Variants in MDH1B observed in about 807,000 individuals in gnomAD.
MDH1B encodes malate dehydrogenase 1B.
A neutral mutation model predicts 61.4 loss-of-function variants in MDH1B; 60 were observed. The observed-to-expected ratio is 0.98, with a 90% CI of 0.79 to 1.21. The LOEUF (loss-of-function observed/expected upper bound fraction) is 1.21. Ranked by LOEUF, MDH1B falls within the 50% of genes most tolerant of loss-of-function variation. The pLI is 0.00. For synonymous variants in MDH1B, 236 were observed against 218.7 expected (o/e 1.08, Z -0.70); for missense variants, 587 against 632.1 (o/e 0.93, Z 0.76).
At chr2:206,756,795 C>A (rs1688786010) in intron 4 of MDH1B, 103 bp downstream of exon 4, 3 of 1,299,418 alleles carry the variant, frequency 2.3e-6, no homozygotes, top group African/African-American at 3.0e-5. Context: ...AAATTTCAAA[C>A]CTGACATTCA....
At chr2:206,744,154 C>T (rs1687963717) in intron 9 of MDH1B, among the ~76,000 whole-genome samples, 1 of 152,218 alleles carries the variant, frequency 6.6e-6, no homozygotes, top group African/African-American at 2.4e-5. Flanking sequence ...TACTTTCCTG[C>T]TTCAGATTCT....
At position 206,749,037 on chromosome 2, in the gene MDH1B, A is replaced by G. The variant is rs1688283485; in HGVS notation, c.1199T>C (p.Leu400Ser). The G allele has an allele frequency of 6.2e-7, 1 of 1,613,676 alleles. No homozygotes were observed. The highest frequency in any genetic ancestry group is 1.3e-5 in the African/African-American group (1 of 75,044). Reference sequence around the variant, plus strand: ...AGATTTACCTTCACTCAATATTCCTAAAGATACAATCTCCCCAGGTGGTGA... The same window carrying G: ...AGATTTACCTTCACTCAATATTCCTGAAGATACAATCTCCCCAGGTGGTGA... ...HGSPPGEIVS[L>S]GILSEGQFGI... Residue 400 changes from leucine (L) to serine (S), a missense_variant, in exon 7 of 12, where the codon TTA (leucine) becomes TCA (serine). Coordinates refer to ENST00000374412, the MANE Select transcript of MDH1B (RefSeq NM_001039845.3).
At chr2:206,755,584 T>C in intron 4 of MDH1B, 79 bp from the exon 5 acceptor site, 1 of 1,492,466 alleles carries the variant, frequency 6.7e-7, no homozygotes, top group Non-Finnish European at 9.0e-7. Flanking sequence ...TAGATATTTC[T>C]GCATGTGCAT....
intron 1 of MDH1B, among the ~76,000 whole-genome samples, chr2:206,763,378 C>T (rs1031670757): frequency 6.6e-6 from 1 of 151,906 alleles, no homozygotes; most frequent in Non-Finnish European, 1.5e-5. Flanking sequence ...TTCTGCCTCC[C>T]TAATATCTCT....
At chr2:206,756,840 T>C (rs909449571) in intron 4 of MDH1B, 58 bp downstream of exon 4, 29 of 1,582,682 alleles carry the variant, frequency 1.8e-5, no homozygotes, top group African/African-American at 2.7e-5. Context: ...TCCCATCTCA[T>C]TGTCCTTTCT....
chr2:206,739,899 A>G (rs1369631045), intron 10 of MDH1B, among the ~76,000 whole-genome samples: 1 of 152,148 alleles, frequency 6.6e-6, no homozygotes, highest in African/African-American at 2.4e-5. Context: ...TGCTCAGTAT[A>G]GCATCTTTCT....
chr2:206,743,141 A>C (rs1404839672), intron 9 of MDH1B, among the ~76,000 whole-genome samples: 2 of 152,216 alleles, frequency 1.3e-5, no homozygotes, highest in Non-Finnish European at 2.9e-5. Context: ...GGGCCTACTA[A>C]GTAGGGACTT....
At chr2:206,759,309 T>G (rs909397558) in intron 2 of MDH1B, among the ~76,000 whole-genome samples, 1 of 152,220 alleles carries the variant, frequency 6.6e-6, no homozygotes, top group Admixed American at 6.5e-5. Context: ...GCAAAGGACA[T>G]GATCTCATTC....
rs1018412052 is a variant in MDH1B at position 206,755,574 on chromosome 2, T to C, written c.414-69A>G. The C allele has an allele frequency of 1.1e-5, 17 of 1,512,212 alleles. No homozygotes were observed. The African/African-American group carries it at 2.1e-4, about 19-fold the overall frequency. The allele number at this position is 1,512,212 out of a possible 1,614,324, so 93.7% of individuals were successfully genotyped here. A position where few individuals can be genotyped will look rare whatever the true frequency, so the allele number is the denominator to read the frequency against. ...GTCCCTTTTAAGCCTTTATTCTTAA[T>C]AGATATTTCTGCATGTGCATCAATA... On this transcript the variant is annotated intron_variant, in intron 4 of 11. Coordinates refer to ENST00000374412, the MANE Select transcript of MDH1B (RefSeq NM_001039845.3).
chr2:206,739,722 T>C lies in MDH1B; in HGVS notation c.1460-61A>G, dbSNP rs1055696918. 2.1e-5 allele frequency: 31 copies of C among 1,468,158 alleles called. No individual in the cohort carries two copies. In the Admixed American group the frequency reaches 5.5e-4, roughly 26 times the overall value. The allele number at this position is 1,468,158 out of a possible 1,614,324, so 90.9% of individuals were successfully genotyped here. A position where few individuals can be genotyped will look rare whatever the true frequency, so the allele number is the denominator to read the frequency against. ...TAAAGCGCAATAATTTTTGCAGTTA[T>C]TTCCATTTTCTTCTATCTTGTTCCT... On this transcript the variant is annotated intron_variant, in intron 10 of 11. Transcript: ENST00000374412.
Position 206,748,310 on chromosome 2 carries a change from A to C in MDH1B, c.1216+710T>G, listed in dbSNP as rs150528694. Among the ~76,000 whole-genome samples, 343 of 152,306 alleles carry C rather than the reference A, an allele frequency of 2.3e-3. 2 individuals carry two copies. The highest frequency in any genetic ancestry group is 7.6e-3 in the African/African-American group (318 of 41,576). ...AGGAGAATCACTTGAACCCAGAAGG[A>C]GGGGGTTGCAGTGAGCTGAGATGGT... On this transcript the variant is annotated intron_variant, in intron 7 of 11. Transcript: ENST00000374412.
chr2:206,752,767 C>T (rs1230686186), intron 5 of MDH1B, among the ~76,000 whole-genome samples: 1 of 149,112 alleles, frequency 6.7e-6, no homozygotes, highest in Non-Finnish European at 1.5e-5. Flanking sequence ...GCTTTCTTCC[C>T]TCTTGGCATG....
intron 4 of MDH1B, 67 bp downstream of exon 4, chr2:206,756,831 C>T (rs1688787044): frequency 6.5e-7 from 1 of 1,541,116 alleles, no homozygotes; most frequent in Non-Finnish European, 8.9e-7. Context: ...TGAAATTAAT[C>T]CCATCTCATT....
chr2:206,744,403 ACTTGACTAAAGCC>A (rs1452308093), intron 9 of MDH1B, among the ~76,000 whole-genome samples: 2 of 152,228 alleles, frequency 1.3e-5, no homozygotes, highest in Admixed American at 6.5e-5. Flanking sequence ...TCCAAAAGAC[ACTTGACTAAAGCC>A]CTTTGCATAA....
intron 1 of MDH1B, among the ~76,000 whole-genome samples, chr2:206,764,159 A>G (rs188670311): frequency 0.014 from 2,139 of 152,174 alleles, 21 homozygotes; most frequent in Non-Finnish European, 0.022. Flanking sequence ...TTAGCTGGGC[A>G]TGCTGGTGTA....
Position 206,739,041 on chromosome 2 carries a change from A to G in MDH1B, c.1529-530T>C, listed in dbSNP as rs559689253. Among the ~76,000 whole-genome samples the G allele has an allele frequency of 7.2e-5, 11 of 152,354 alleles. No homozygotes were observed. The East Asian group carries it at 1.7e-3, about 24-fold the overall frequency. ...AGTTATATACTTGGGAAATCTGGAC[A>G]TGCAGATTACTTGTGTCAATTTCCT... On this transcript the variant is annotated intron_variant, in intron 11 of 11. Coordinates refer to ENST00000374412, the MANE Select transcript of MDH1B (RefSeq NM_001039845.3).
chr2:206,757,277 A>G lies in MDH1B; in HGVS notation c.230T>C (p.Leu77Ser). ...GAACTCATTATATCCTCCCAAAAGC[A>G]AACCCTTTCCTCCACGATCCAACAG... ...RELLDRGGKG[L>S]LLGGYNEFLE... The change falls in exon 3 of 12, where the codon TTG (leucine) becomes TCG (serine). Residue 77 changes from leucine (L) to serine (S), a missense_variant. Physicochemically the swap from Leu to Ser is moderately radical, Grantham distance 145 (BLOSUM62 -2). Transcript: ENST00000374412. 2 of 1,614,078 alleles carry G rather than the reference A, an allele frequency of 1.2e-6. No individual in the cohort carries two copies. The highest frequency in any genetic ancestry group is 1.7e-6 in the Non-Finnish European group (2 of 1,179,950).
At chr2:206,764,270 C>A (rs1459844845) in intron 1 of MDH1B, among the ~76,000 whole-genome samples, 2 of 150,976 alleles carry the variant, frequency 1.3e-5, no homozygotes, top group Non-Finnish European at 2.9e-5. Context: ...TGCAATCCAG[C>A]CTGGGTGACA....
At chr2:206,753,496 G>T (rs940363678) in intron 5 of MDH1B, among the ~76,000 whole-genome samples, 1 of 152,134 alleles carries the variant, frequency 6.6e-6, no homozygotes, top group Admixed American at 6.5e-5. Flanking sequence ...GAGTCCTGAC[G>T]AGCCAATACA....
Sources: gnomAD v4.1 joint callset for allele counts (sites outside exome capture counted in the v4.1 genomes callset) on GRCh38, gnomAD v4.1.1 for gene constraint, MANE v1.5 for transcripts, NCBI Gene and HGNC (gene_info 2026-07-23, HGNC 2026-07-21) for gene names.